The following ESRRB variants were observed in gnomAD, a reference collection of about 807,000 sequenced individuals.
ESRRB encodes the protein steroid hormone receptor ERR2.
In ESRRB, 16 loss-of-function variants were observed where a neutral mutation model predicts 46.0. The observed-to-expected ratio is 0.35, with a 90% CI of 0.24 to 0.53. ESRRB has a LOEUF of 0.53. Ranked by LOEUF, ESRRB falls within the 20% of genes least tolerant of loss-of-function variation. The pLI, the probability that ESRRB is intolerant of heterozygous loss-of-function variation, is 0.93. For missense variants in ESRRB, 488 were observed against 607.4 expected, an observed-to-expected ratio of 0.80 and a Z score of 2.07; for synonymous variants, 246 against 259.6, an observed-to-expected ratio of 0.95 and a Z score of 0.50.
chr14:76,328,466 C>G (rs1274820594), intron 1 of ESRRB, among the ~76,000 whole-genome samples: 3 of 152,164 alleles, frequency 2.0e-5, no homozygotes, highest in Non-Finnish European at 4.4e-5. Flanking sequence ...CCGCAGGCAG[C>G]CTTTAAAAAT....
chr14:76,358,323 A>AAAAGAAAGAAAGAAAGAAAGAAAG lies in ESRRB; in HGVS notation c.2+47475_2+47498dup, dbSNP rs869092343. Among the ~76,000 whole-genome samples the AAAAGAAAGAAAGAAAGAAAGAAAG allele has an allele frequency of 3.0e-4, 16 of 53,100 alleles. 1 individual carries two copies. The highest frequency in any genetic ancestry group is 8.3e-4 in the South Asian group (1 of 1,208). 34.8% of individuals were successfully genotyped at this position (53,100 alleles called of 152,430 possible). On this transcript the variant is annotated intron_variant, in intron 1 of 6. Transcript: ENST00000512784. Reference sequence around the variant, plus strand: ...CAAGACTCTGTCTCAAAAAAAAAAAAAAAGAAAGAAAGAAAGAAAGAAAGA... The same window carrying AAAAGAAAGAAAGAAAGAAAGAAAG: ...CAAGACTCTGTCTCAAAAAAAAAAAAAAAGAAAGAAAGAAAGAAAGAAAGAAAGAAAGAAAGAAAGAAAGAAAGA...
intron 5 of ESRRB, among the ~76,000 whole-genome samples, chr14:76,487,365 G>A (rs574831252): frequency 5.3e-5 from 8 of 152,270 alleles, no homozygotes; most frequent in Middle Eastern, 3.4e-3. Flanking sequence ...TTAGGAAGCT[G>A]ATCTCTGTGC....
intron 1 of ESRRB, among the ~76,000 whole-genome samples, chr14:76,348,453 A>G (rs1884274972): frequency 6.6e-6 from 1 of 152,334 alleles, no homozygotes; most frequent in Admixed American, 6.5e-5. Flanking sequence ...GTCAGGAAAG[A>G]GGACCAGACT....
At chr14:76,479,684 A>G (rs1376578490) in intron 3 of ESRRB, among the ~76,000 whole-genome samples, 1 of 152,156 alleles carries the variant, frequency 6.6e-6, no homozygotes, top group Non-Finnish European at 1.5e-5. Flanking sequence ...TGGTCTGATC[A>G]GTCCTCACCT....
chr14:76,421,717 C>T (rs920927315), intron 1 of ESRRB, among the ~76,000 whole-genome samples: 1 of 152,144 alleles, frequency 6.6e-6, no homozygotes, highest in Admixed American at 6.5e-5. Context: ...TAGGTGTGTC[C>T]CAGTCTGGCT....
chr14:76,471,149 T>G (rs185204524), intron 3 of ESRRB, among the ~76,000 whole-genome samples: 3 of 152,328 alleles, frequency 2.0e-5, no homozygotes, highest in Admixed American at 1.3e-4. Context: ...AAAAGAAACC[T>G]GGAGGTCATC....
At chr14:76,404,027 G>A (rs1886058605) in intron 1 of ESRRB, among the ~76,000 whole-genome samples, 1 of 152,132 alleles carries the variant, frequency 6.6e-6, no homozygotes, top group Admixed American at 6.5e-5. Context: ...CTGGGAGCAG[G>A]ACCTTCTTGT....
At chr14:76,407,602 T>C in intron 1 of ESRRB, 1 of 985,926 alleles carries the variant, frequency 1.0e-6, no homozygotes, top group Non-Finnish European at 1.2e-6. Context: ...AGAGGGTAAG[T>C]TGGGTCCAGT....
chr14:76,359,784 T>A (rs1231608440), intron 1 of ESRRB, among the ~76,000 whole-genome samples: 1 of 151,570 alleles, frequency 6.6e-6, no homozygotes, highest in Admixed American at 6.6e-5. Context: ...AAGGTAAGCA[T>A]GAGAAGGGAG....
chr14:76,336,625 T>C (rs1202626701), intron 1 of ESRRB, among the ~76,000 whole-genome samples: 1 of 152,172 alleles, frequency 6.6e-6, no homozygotes, highest in African/African-American at 2.4e-5. Flanking sequence ...ACCAGCAGTC[T>C]GCACTTCTCC....
At position 76,315,001 on chromosome 14, in the gene ESRRB, C is replaced by G. The variant is rs552965000; in HGVS notation, c.2+4085C>G. On this transcript the variant is annotated intron_variant, in intron 1 of 6. Transcript: ENST00000512784. The stretch of plus-strand genomic sequence containing the variant: ...CAGTTTCTATTTGTTTCACGTGGGC[C>G]TTTTTTCCCTGTTTCATGAGGTCAG... Among the ~76,000 whole-genome samples the G allele has an allele frequency of 2.6e-5, 4 of 152,108 alleles. No homozygotes were observed. The South Asian group carries it at 8.3e-4, about 32-fold the overall frequency.
chr14:76,473,607 G>A (rs761021376), intron 3 of ESRRB, among the ~76,000 whole-genome samples: 6 of 152,256 alleles, frequency 3.9e-5, no homozygotes, highest in Admixed American at 6.5e-5. Context: ...AAGTGGCCCC[G>A]CTGCGGCTGA....
At chr14:76,493,106 C>T (rs1435330426) in intron 6 of ESRRB, among the ~76,000 whole-genome samples, 2 of 152,140 alleles carry the variant, frequency 1.3e-5, no homozygotes, top group African/African-American at 4.8e-5. Flanking sequence ...ACTCAGTGTC[C>T]TTGTGTGTTC....
chr14:76,321,136 C>T (rs1229686617), intron 1 of ESRRB, among the ~76,000 whole-genome samples: 1 of 152,162 alleles, frequency 6.6e-6, no homozygotes, highest in Admixed American at 6.5e-5. Flanking sequence ...ACATATTCTC[C>T]CGTAAGTCCT....
chr14:76,445,628 T>C (rs1467053846), intron 2 of ESRRB, among the ~76,000 whole-genome samples: 7 of 151,740 alleles, frequency 4.6e-5, no homozygotes, highest in Admixed American at 1.3e-4. Flanking sequence ...GAAACAAAGA[T>C]GTCATGATAG....
intron 1 of ESRRB, among the ~76,000 whole-genome samples, chr14:76,377,519 A>G (rs531875408): frequency 7.2e-5 from 11 of 152,284 alleles, no homozygotes; most frequent in Admixed American, 3.3e-4. Flanking sequence ...CTTAATAATA[A>G]TAATACATAA....
In ESRRB at chr14:76,470,075, G is replaced by C. The variant is rs1037672994; in HGVS notation, c.577+7414G>C. Among the ~76,000 whole-genome samples the C allele has an allele frequency of 2.6e-4, 40 of 151,292 alleles. 1 individual carries two copies. The highest frequency in any genetic ancestry group is 9.7e-4 in the African/African-American group (40 of 41,192). ...AGATTCTCCTGCCTCAGCCTCCTGA[G>C]TAGCTGCTATTACAGGCATGCATCA... On this transcript the variant is annotated intron_variant, in intron 3 of 6. Transcript: ENST00000644823.
intron 1 of ESRRB, among the ~76,000 whole-genome samples, chr14:76,388,307 T>C (rs1885327213): frequency 1.3e-5 from 2 of 151,620 alleles, no homozygotes; most frequent in African/African-American, 4.9e-5. Flanking sequence ...GCCTCCCAAG[T>C]AGCTGGGACT....
intron 3 of ESRRB, among the ~76,000 whole-genome samples, chr14:76,473,510 G>C (rs1359495508): frequency 1.3e-5 from 2 of 152,248 alleles, no homozygotes; most frequent in Non-Finnish European, 2.9e-5. Context: ...AAGCGCCTGG[G>C]ACAGGCTTAG....
Sources: gnomAD v4.1 joint callset for allele counts (sites outside exome capture counted in the v4.1 genomes callset) on GRCh38, gnomAD v4.1.1 for gene constraint, MANE v1.5 for transcripts, NCBI Gene and HGNC (gene_info 2026-07-23, HGNC 2026-07-21) for gene names.